The following HSPA9 variants were observed in gnomAD, a reference collection of about 807,000 sequenced individuals.
The protein encoded by HSPA9 is heat shock protein family A (Hsp70) member 9, also known as stress-70 protein, mitochondrial.
HSPA9 carries 28 observed loss-of-function variants against 81.5 expected under a neutral mutation model. That is an observed-to-expected ratio of 0.34 (90% CI 0.25 to 0.47). The LOEUF is 0.47. Ranked by LOEUF, HSPA9 falls within the 20% of genes least tolerant of loss-of-function variation. The probability of loss-of-function intolerance (pLI) is 1.00; values close to 1 mark genes in which losing one functional copy is unlikely to be tolerated. For synonymous variants in HSPA9, 293 were observed against 290.4 expected, an observed-to-expected ratio of 1.01 and a Z score of -0.09; for missense variants, 678 against 838.0, an observed-to-expected ratio of 0.81 and a Z score of 2.36.
rs768419819 is a variant in HSPA9, at chr5:138,567,533, C to T, written c.638G>A (p.Gly213Glu). 13 of 1,613,990 alleles carry T rather than the reference C, an allele frequency of 8.1e-6. No individual in the cohort carries two copies. Among genetic ancestry groups the T allele is most frequent in the African/African-American group, 1.3e-5 (1 of 74,912 alleles). ...QATKDAGQIS[G>E]LNVLRVINEP... ...ATTAATCACCCGAAGCACATTCAGT[C>T]CAGATATCTGGCCAGCATCTTTAGT... The change falls in exon 7 of 17, where the codon GGA becomes GAA. Residue 213 changes from glycine to glutamate, a missense_variant. This residue lies in a region of HSPA9 where 484 missense variants were observed against 647.5 expected (regional missense o/e 0.75). Transcript: ENST00000297185.
intron 10 of HSPA9, among the ~76,000 whole-genome samples, chr5:138,560,615 C>T (rs955123921): frequency 6.7e-6 from 1 of 149,382 alleles, no homozygotes; most frequent in African/African-American, 2.5e-5. Context: ...GGCTGGAGTG[C>T]GGTGGCGCAA....
chr5:138,561,284 C>A (rs1443278475), intron 10 of HSPA9, among the ~76,000 whole-genome samples: 1 of 152,214 alleles, frequency 6.6e-6, no homozygotes, highest in African/African-American at 2.4e-5. Flanking sequence ...TAAAGAAATT[C>A]TGCCCCTCCC....
chr5:138,557,992 A>G lies in HSPA9; in HGVS notation c.1516-6T>C. ...GGGGCTGGTGGAATTCCAATCTAAA[A>G]TAAATAATATCCAGAGTAAGGTCCT... On this transcript the variant is annotated splice_region_variant and splice_polypyrimidine_tract_variant and intron_variant, in intron 12 of 16. Transcript: ENST00000297185. 6.4e-7 allele frequency: 1 copy of G among 1,560,426 alleles called. No individual in the cohort carries two copies. The highest frequency in any genetic ancestry group is 8.8e-7 in the Non-Finnish European group (1 of 1,131,626).
rs1750790937 is a variant in HSPA9, at chr5:138,567,460, G to T, written c.711C>A (p.Asp237Glu). Residue 237 changes from aspartate to glutamate, a missense_variant, in exon 7 of 17, where the codon GAC becomes GAA. By Grantham distance (45) the Asp-to-Glu change is conservative. Transcript: ENST00000297185. ...AATTTACTGCACAAACTTACACTTTGTCTTCTGATTTGTCTAGACCATAGG... is the reference window on the plus strand; with the variant it reads ...AATTTACTGCACAAACTTACACTTTTTCTTCTGATTTGTCTAGACCATAGG... ...ALAYGLDKSE[D>E]KVIAVYDLGG... The T allele has an allele frequency of 4.3e-6, 7 of 1,611,232 alleles. No homozygotes were observed. The highest frequency in any genetic ancestry group is 1.7e-5 in the Admixed American group (1 of 60,018).
chr5:138,560,891 CT>C (rs200454021), intron 10 of HSPA9: 73 of 402,048 alleles, frequency 1.8e-4, no homozygotes, highest in Non-Finnish European at 2.4e-4. Context: ...GGTCCAGGAC[CT>C]TTTTTTTCCA....
rs879478338 is a variant in HSPA9, at chr5:138,573,966, A to G, written c.140+102T>C. On this transcript the variant is annotated intron_variant, in intron 2 of 16. Coordinates refer to ENST00000297185, the MANE Select transcript of HSPA9 (RefSeq NM_004134.7). ...GGTATACTACATAATCTCTAAATAAATACAGATAAATAATTACAGAGAAGA... is the reference window on the plus strand; with the variant it reads ...GGTATACTACATAATCTCTAAATAAGTACAGATAAATAATTACAGAGAAGA... 383 of 1,241,780 alleles carry G rather than the reference A, an allele frequency of 3.1e-4. 2 individuals are homozygous for G. The highest frequency in any genetic ancestry group is 4.2e-4 in the Non-Finnish European group (358 of 853,264). 76.9% of individuals were successfully genotyped at this position (1,241,780 alleles called of 1,614,324 possible). A position where few individuals can be genotyped will look rare whatever the true frequency, so the allele number is the denominator to read the frequency against.
intron 9 of HSPA9, among the ~76,000 whole-genome samples, chr5:138,566,157 T>A (rs1486935491): frequency 7.9e-6 from 1 of 126,392 alleles, no homozygotes; most frequent in Non-Finnish European, 1.5e-5. Context: ...CATTGCACTG[T>A]AGCCTGGGCA....
chr5:138,573,668 A>AAAAAAAG, intron 3 of HSPA9, 95 bp downstream of exon 3: 2 of 594,230 alleles, frequency 3.4e-6, no homozygotes, highest in Non-Finnish European at 5.8e-6. Flanking sequence ...AAAAAAAAAA[A>AAAAAAAG]GCGCAAATCA....
chr5:138,574,191 T>C (rs1413711146), intron 1 of HSPA9, 65 bp from the exon 2 acceptor site: 5 of 1,136,554 alleles, frequency 4.4e-6, no homozygotes, highest in African/African-American at 3.1e-5. Context: ...AAGAGAAAAC[T>C]TGGGCTCACT....
In HSPA9 at chr5:138,573,868, C is replaced by T. The variant is rs1421686300; in HGVS notation, c.141-18G>A. 1 of 1,580,952 alleles carries T rather than the reference C, an allele frequency of 6.3e-7. No individual in the cohort carries two copies. Among genetic ancestry groups the T allele is most frequent in the African/African-American group, 1.3e-5 (1 of 74,390 alleles). On this transcript the variant is annotated intron_variant, in intron 2 of 16. Coordinates refer to ENST00000297185, the MANE Select transcript of HSPA9 (RefSeq NM_004134.7). ...CTTCTGATCTGTAAGACATTTAGAA[C>T]AGTGTCACAGCTATTGTTATCTTGA...
Position 138,561,607 on chromosome 5 carries a change from A to G in HSPA9, c.1155T>C (p.Leu385=), listed in dbSNP as rs1580743952. The change falls in exon 10 of 17, where the codon CTT becomes CTC. Residue 385 remains leucine, a synonymous_variant. Transcript: ENST00000297185. ...TGGGCATCCTAGTCATGCCACCCAC[A>G]AGAATCACTTCTCCTATGTCACTCT... The part of the protein sequence containing the change: ...VSKSDIGEVI[L]VGGMTRMPKV... 3.7e-6 allele frequency: 6 copies of G among 1,613,614 alleles called. No individual in the cohort carries two copies.
chr5:138,561,292 C>T (rs1750654425), intron 10 of HSPA9, among the ~76,000 whole-genome samples: 2 of 152,076 alleles, frequency 1.3e-5, no homozygotes, highest in Non-Finnish European at 2.9e-5. Flanking sequence ...TTCTGCCCCT[C>T]CCTAATTTTT....
chr5:138,562,570 T>C (rs948567710), intron 9 of HSPA9, among the ~76,000 whole-genome samples: 1 of 151,974 alleles, frequency 6.6e-6, no homozygotes, highest in African/African-American at 2.4e-5. Flanking sequence ...AAAAAAACAA[T>C]GTTTTATCTC....
Position 138,567,040 on chromosome 5 carries a change from C to T in HSPA9, c.840G>A (p.Gln280=). ...CCTTCACAATGTGCCGTAGCAAGGCCTGGTCAAAGTCTTCCCCACCTAAGA... is the reference window on the plus strand; with the variant it reads ...CCTTCACAATGTGCCGTAGCAAGGCTTGGTCAAAGTCTTCCCCACCTAAGA... The part of the protein sequence containing the change: ...DTFLGGEDFD[Q]ALLRHIVKEF... Residue 280 remains glutamine (Q), a synonymous_variant, in exon 8 of 17, where the codon CAG becomes CAA. Transcript: ENST00000297185. The T allele has an allele frequency of 1.2e-6, 2 of 1,613,304 alleles. No homozygotes were observed. Among genetic ancestry groups the T allele is most frequent in the Non-Finnish European group, 1.7e-6 (2 of 1,179,844 alleles).
chr5:138,556,599 A>G lies in HSPA9; in HGVS notation c.1822-7T>C, dbSNP rs776296627. On this transcript the variant is annotated splice_polypyrimidine_tract_variant and splice_region_variant and intron_variant, in intron 15 of 16. Coordinates refer to ENST00000297185, the MANE Select transcript of HSPA9 (RefSeq NM_004134.7). ...CTTCTTTCAGCTTGTTGCACTTAAA[A>G]AAAGAAAACAAAAATCCTTACTTTT... 6.2e-7 allele frequency: 1 copy of G among 1,612,358 alleles called. No homozygotes were observed. Among genetic ancestry groups the G allele is most frequent in the African/African-American group, 1.3e-5 (1 of 74,920 alleles).
chr5:138,572,161 G>A (rs564632034), intron 3 of HSPA9, among the ~76,000 whole-genome samples: 1 of 151,890 alleles, frequency 6.6e-6, no homozygotes, highest in African/African-American at 2.4e-5. Context: ...GTTGCCTAGG[G>A]TGATCTTCAA....
chr5:138,571,716 G>T (rs1441077231), intron 3 of HSPA9, among the ~76,000 whole-genome samples: 1 of 149,856 alleles, frequency 6.7e-6, no homozygotes, highest in Non-Finnish European at 1.5e-5. Flanking sequence ...GCGCGATCTC[G>T]GCTCACTGCA....
intron 4 of HSPA9, among the ~76,000 whole-genome samples, chr5:138,570,330 A>G (rs1750852032): frequency 6.6e-6 from 1 of 152,180 alleles, no homozygotes; most frequent in African/African-American, 2.4e-5. Context: ...GGAAGAAAAA[A>G]GAAAAATCAA....
chr5:138,572,070 C>G (rs1031275116), intron 3 of HSPA9, among the ~76,000 whole-genome samples: 3 of 151,258 alleles, frequency 2.0e-5, no homozygotes, highest in Admixed American at 2.0e-4. Context: ...GATCCTCCCA[C>G]CTTAGCCTCC....
Sources: allele counts gnomAD v4.1 joint callset (sites outside exome capture counted in the v4.1 genomes callset), GRCh38; gene constraint gnomAD v4.1.1; regional missense constraint gnomAD v4.1.1; transcripts MANE v1.5; gene names NCBI Gene and HGNC (gene_info 2026-07-23, HGNC 2026-07-21).